NELL1: variants seen among roughly 807,000 people sequenced by gnomAD.
NELL1 encodes neural EGFL like 1.
NELL1 carries 76 observed loss-of-function variants against 107.4 expected under a neutral mutation model. The ratio of observed to expected loss-of-function variants is 0.71; its 90% confidence interval spans 0.59 to 0.86. The LOEUF is 0.86. Among genes scored for constraint, NELL1 ranks in the 40% least tolerant of loss-of-function variants. The pLI is 0.00. For missense variants in NELL1, 1,024 were observed against 1,005.5 expected, an observed-to-expected ratio of 1.02 and a Z score of -0.25; for synonymous variants, 353 against 341.2, an observed-to-expected ratio of 1.03 and a Z score of -0.38.
chr11:21,365,509 T>C (rs933098970), intron 14 of NELL1, among the ~76,000 whole-genome samples: 1 of 152,196 alleles, frequency 6.6e-6, no homozygotes, highest in Non-Finnish European at 1.5e-5. Context: ...TGGCATTTGA[T>C]AAGTTTTCAA....
At chr11:21,519,313 G>A (rs1855654377) in intron 15 of NELL1, among the ~76,000 whole-genome samples, 1 of 152,076 alleles carries the variant, frequency 6.6e-6, no homozygotes, top group African/African-American at 2.4e-5. Context: ...GATGATTCTG[G>A]CAAGCTTGTT....
intron 13 of NELL1, among the ~76,000 whole-genome samples, chr11:21,192,709 G>T (rs576375675): frequency 1.3e-5 from 2 of 151,920 alleles, no homozygotes; most frequent in East Asian, 3.9e-4. Flanking sequence ...AGAAGTAGAG[G>T]TTTGTTTAAA....
chr11:20,778,204 G>T (rs1424769796), intron 2 of NELL1, among the ~76,000 whole-genome samples: 1 of 152,086 alleles, frequency 6.6e-6, no homozygotes, highest in Non-Finnish European at 1.5e-5. Flanking sequence ...GGCCTCCTCT[G>T]TTTTTTTGTG....
chr11:21,303,973 C>T (rs919762511), intron 14 of NELL1, among the ~76,000 whole-genome samples: 8 of 151,886 alleles, frequency 5.3e-5, no homozygotes, highest in African/African-American at 9.7e-5. Context: ...AACCTTGAGC[C>T]CTTTTATAAG....
intron 15 of NELL1, among the ~76,000 whole-genome samples, chr11:21,528,262 G>A (rs1199890664): frequency 3.9e-5 from 6 of 152,132 alleles, no homozygotes; most frequent in Non-Finnish European, 5.9e-5. Context: ...GGTAATTGCT[G>A]TGGTTTAGAT....
chr11:20,755,708 A>G (rs921936642), intron 2 of NELL1, among the ~76,000 whole-genome samples: 44 of 151,488 alleles, frequency 2.9e-4, no homozygotes, highest in African/African-American at 1.0e-3. Context: ...GGCATGAGCC[A>G]CCAGGCCTGG....
intron 13 of NELL1, among the ~76,000 whole-genome samples, chr11:21,154,491 A>G (rs1336147049): frequency 1.3e-5 from 2 of 152,196 alleles, no homozygotes; most frequent in East Asian, 3.9e-4. Flanking sequence ...ATGCTAAGTT[A>G]TGAGACTCCA....
intron 16 of NELL1, among the ~76,000 whole-genome samples, chr11:21,550,544 C>A (rs1460739687): frequency 6.6e-6 from 1 of 152,000 alleles, no homozygotes; most frequent in Admixed American, 6.6e-5. Context: ...GATCCAGTTT[C>A]AGCTTTCTAC....
At chr11:21,360,189 C>T (rs1351057205) in intron 14 of NELL1, among the ~76,000 whole-genome samples, 1 of 152,056 alleles carries the variant, frequency 6.6e-6, no homozygotes, top group Non-Finnish European at 1.5e-5. Flanking sequence ...TACGTTGTGT[C>T]ACCATTATCA....
chr11:21,401,173 T>G (rs1852089163), intron 15 of NELL1, among the ~76,000 whole-genome samples: 1 of 151,864 alleles, frequency 6.6e-6, no homozygotes, highest in Non-Finnish European at 1.5e-5. Context: ...TAATAGAACA[T>G]ACAAAGTGTC....
intron 5 of NELL1, among the ~76,000 whole-genome samples, chr11:20,889,838 G>A (rs907012117): frequency 6.6e-6 from 1 of 152,192 alleles, no homozygotes; most frequent in Admixed American, 6.5e-5. Context: ...GGAGACTCAG[G>A]GACAGAATTC....
chr11:20,813,440 T>G (rs1411524683), intron 3 of NELL1, among the ~76,000 whole-genome samples: 1 of 148,134 alleles, frequency 6.8e-6, no homozygotes, highest in Non-Finnish European at 1.5e-5. Context: ...AGTTAGTAGA[T>G]ATACATGATG....
intron 2 of NELL1, among the ~76,000 whole-genome samples, chr11:20,731,367 G>A (rs538207657): frequency 5.9e-5 from 9 of 152,316 alleles, no homozygotes; most frequent in Admixed American, 5.2e-4. Flanking sequence ...TGATGCCTGT[G>A]GCTGAATGAA....
intron 13 of NELL1, among the ~76,000 whole-genome samples, chr11:21,142,507 G>T (rs1855891141): frequency 6.6e-6 from 1 of 152,224 alleles, no homozygotes; most frequent in South Asian, 2.1e-4. Context: ...ATGGGACAGA[G>T]GTTTCCATTT....
intron 10 of NELL1, among the ~76,000 whole-genome samples, chr11:20,938,119 G>A (rs6483739): frequency 0.81 from 122,687 of 152,042 alleles, 50,185 homozygotes; most frequent in East Asian, 1. Flanking sequence ...ACTAACAGCT[G>A]TTATTAGTTA....
chr11:21,483,037 G>C (rs1443744671), intron 15 of NELL1, among the ~76,000 whole-genome samples: 1 of 151,796 alleles, frequency 6.6e-6, no homozygotes, highest in Non-Finnish European at 1.5e-5. Context: ...GCCCAGGCTG[G>C]AGTGCGGTGG....
intron 15 of NELL1, among the ~76,000 whole-genome samples, chr11:21,466,551 C>T (rs967080563): frequency 2.0e-5 from 3 of 152,128 alleles, no homozygotes; most frequent in Non-Finnish European, 4.4e-5. Context: ...ATGAATCCTA[C>T]TCTGGAGCAA....
At chr11:21,380,149 TGCTCAGTA>T (rs1461274066) in intron 15 of NELL1, among the ~76,000 whole-genome samples, 2 of 152,076 alleles carry the variant, frequency 1.3e-5, no homozygotes, top group Non-Finnish European at 2.9e-5. Flanking sequence ...CATGATTACT[TGCTCAGTA>T]AATGGCAACT....
intron 13 of NELL1, among the ~76,000 whole-genome samples, chr11:21,224,961 C>A (rs1386602798): frequency 6.6e-6 from 1 of 152,130 alleles, no homozygotes. Flanking sequence ...TCATAGACTT[C>A]ATTTGCTTTT....
Sources: gnomAD v4.1 joint callset for allele counts (sites outside exome capture counted in the v4.1 genomes callset) on GRCh38, gnomAD v4.1.1 for gene constraint, MANE v1.5 for transcripts, NCBI Gene and HGNC (gene_info 2026-07-23, HGNC 2026-07-21) for gene names.